Variants in MYO5A observed in about 807,000 individuals in gnomAD.
MYO5A encodes myosin VA.
In MYO5A, 98 loss-of-function variants were observed where a neutral mutation model predicts 249.7. That is an observed-to-expected ratio of 0.39 (90% confidence interval 0.33 to 0.46). The LOEUF (loss-of-function observed/expected upper bound fraction) is 0.46. Among genes scored for constraint, MYO5A ranks in the 20% least tolerant of loss-of-function variants. MYO5A has a pLI of 0.98. For missense variants in MYO5A, 1,696 were observed against 2,308.8 expected, an observed-to-expected ratio of 0.73 and a Z score of 5.44; for synonymous variants, 778 against 810.6, an observed-to-expected ratio of 0.96 and a Z score of 0.68.
At chr15:52,513,533 T>C (rs2077438081) in intron 1 of MYO5A, among the ~76,000 whole-genome samples, 1 of 150,654 alleles carries the variant, frequency 6.6e-6, no homozygotes, top group Admixed American at 6.6e-5. Context: ...CAAGCGATTC[T>C]CCTGACTCAG....
intron 1 of MYO5A, among the ~76,000 whole-genome samples, chr15:52,474,995 C>T (rs1385403200): frequency 2.0e-5 from 3 of 149,338 alleles, no homozygotes; most frequent in African/African-American, 7.5e-5. Context: ...TGGTAGAACT[C>T]GGCTGTGAAT....
intron 1 of MYO5A, among the ~76,000 whole-genome samples, chr15:52,516,005 T>C (rs2077488412): frequency 6.6e-6 from 1 of 152,244 alleles, no homozygotes; most frequent in Non-Finnish European, 1.5e-5. Flanking sequence ...TACCGGTCAC[T>C]ATTCTAAGCA....
At chr15:52,447,286 T>C (rs1002692541) in intron 1 of MYO5A, among the ~76,000 whole-genome samples, 25 of 152,058 alleles carry the variant, frequency 1.6e-4, no homozygotes, top group Admixed American at 6.6e-4. Context: ...TCGCTCTCTC[T>C]CTTGCTTTCT....
chr15:52,516,177 A>T (rs374735579), intron 1 of MYO5A, among the ~76,000 whole-genome samples: 1 of 152,236 alleles, frequency 6.6e-6, no homozygotes, highest in Non-Finnish European at 1.5e-5. Context: ...ACCAAGATCC[A>T]GTATCTAGGT....
At chr15:52,345,192 T>C (rs1429633586) in intron 30 of MYO5A, among the ~76,000 whole-genome samples, 1 of 152,188 alleles carries the variant, frequency 6.6e-6, no homozygotes, top group East Asian at 1.9e-4. Context: ...CTTTAAATCA[T>C]CTCTAGATTA....
At chr15:52,493,393 T>C (rs564361040) in intron 1 of MYO5A, among the ~76,000 whole-genome samples, 6 of 152,342 alleles carry the variant, frequency 3.9e-5, no homozygotes, top group African/African-American at 1.4e-4. Context: ...CTGGGCATGG[T>C]GGCTCACACC....
chr15:52,327,149 T>C (rs2038646725), intron 36 of MYO5A, among the ~76,000 whole-genome samples: 1 of 152,254 alleles, frequency 6.6e-6, no homozygotes, highest in African/African-American at 2.4e-5. Flanking sequence ...CATCTTTTTA[T>C]ATGAATGAGC....
In MYO5A at chr15:52,528,877, G is replaced by T. The variant is rs866652067; in HGVS notation, c.-71C>A. On this transcript the variant is annotated 5_prime_UTR_variant, in exon 1 of 42. Transcript: ENST00000399233. The stretch of plus-strand genomic sequence containing the variant: ...CCTCGCCTGGGCGGCCGCCCGAGCG[G>T]ACTAGGAAGCGCCCGCAGCCGCCGG... 14 of 1,356,194 alleles carry T rather than the reference G, an allele frequency of 1.0e-5. No homozygotes were observed. The highest frequency in any genetic ancestry group is 3.6e-5 in the Admixed American group (1 of 27,444). 84.0% of individuals were successfully genotyped at this position (1,356,194 alleles called of 1,614,324 possible). A position where few individuals can be genotyped will look rare whatever the true frequency, so the allele number is the denominator to read the frequency against.
At chr15:52,416,428 A>G (rs1311978221) in intron 4 of MYO5A, 127 bp from the exon 5 acceptor site, 4 of 903,136 alleles carry the variant, frequency 4.4e-6, no homozygotes, top group South Asian at 1.5e-5. Flanking sequence ...ACTGGTGCTT[A>G]TAACACCAAG....
At chr15:52,465,590 G>A (rs11856588) in intron 1 of MYO5A, among the ~76,000 whole-genome samples, 22,749 of 152,062 alleles carry the variant, frequency 0.15, 1,814 homozygotes, top group Middle Eastern at 0.22. Flanking sequence ...TCAGGAATTC[G>A]AAAGTATAGT....
At chr15:52,466,365 C>G (rs1049634885) in intron 1 of MYO5A, among the ~76,000 whole-genome samples, 2 of 152,148 alleles carry the variant, frequency 1.3e-5, no homozygotes. Flanking sequence ...GGGCTCCCCC[C>G]AACCCCACCC....
chr15:52,311,296 T>C lies in MYO5A; in HGVS notation c.*2400A>G, dbSNP rs1317076622. On this transcript the variant is annotated 3_prime_UTR_variant, in exon 42 of 42. Coordinates refer to ENST00000399233, the MANE Select transcript of MYO5A (RefSeq NM_001382347.1). ...GGGAGGTCTGGGAGATTTCCAGGGC[T>C]GAGGCGGACAGCCTGTACCACGTTG... The C allele has an allele frequency of 3.9e-5, 6 of 152,254 alleles. No homozygotes were observed. Among genetic ancestry groups the C allele is most frequent in the Non-Finnish European group, 7.3e-5 (5 of 68,064 alleles). The allele number at this position is 152,254 out of a possible 1,614,324, so 9.4% of individuals were successfully genotyped here.
chr15:52,504,169 A>G (rs1296993073), intron 1 of MYO5A, among the ~76,000 whole-genome samples: 1 of 151,030 alleles, frequency 6.6e-6, no homozygotes, highest in East Asian at 1.9e-4. Flanking sequence ...AACCATGGTT[A>G]GAAAACTGAT....
intron 25 of MYO5A, among the ~76,000 whole-genome samples, chr15:52,356,823 T>TTTTTTTTTTTTTTTTTTTTTTTTC (rs1555432798): frequency 7.8e-6 from 1 of 127,788 alleles, no homozygotes; most frequent in Non-Finnish European, 1.5e-5. Context: ...TTTTTTATTT[T>TTTTTTTTTTTTTTTTTTTTTTTTC]CAGGAATTGT....
chr15:52,446,400 G>A (rs561254313), intron 1 of MYO5A, among the ~76,000 whole-genome samples: 4 of 152,376 alleles, frequency 2.6e-5, no homozygotes, highest in South Asian at 2.1e-4. Flanking sequence ...AGTGAAGAAC[G>A]TTTGGCAGCC....
chr15:52,464,620 A>T (rs955011723), intron 1 of MYO5A, among the ~76,000 whole-genome samples: 1 of 152,212 alleles, frequency 6.6e-6, no homozygotes, highest in African/African-American at 2.4e-5. Context: ...GGTACTCAAT[A>T]AATATGTGTG....
rs927588082 is a variant in MYO5A at position 52,476,798 on chromosome 15, G to A, written c.28-43513C>T. The stretch of plus-strand genomic sequence containing the variant: ...GATGGGCTTCCCTTTGTGGGTAACC[G>A]GACCTTTCTCTCTGGCTGCCCTTAA... On this transcript the variant is annotated intron_variant, in intron 1 of 41. Coordinates refer to ENST00000399233, the MANE Select transcript of MYO5A (RefSeq NM_001382347.1). Among the ~76,000 whole-genome samples the A allele has an allele frequency of 1.2e-4, 18 of 152,186 alleles. 1 individual carries two copies. Among genetic ancestry groups the A allele is most frequent in the South Asian group, 6.2e-4 (3 of 4,806 alleles).
At chr15:52,359,031 T>C (rs2040388147) in intron 25 of MYO5A, among the ~76,000 whole-genome samples, 2 of 152,220 alleles carry the variant, frequency 1.3e-5, no homozygotes, top group Admixed American at 6.5e-5. Context: ...ATGCTGGATC[T>C]ACCATTTATA....
At chr15:52,498,043 C>A (rs2646031) in intron 1 of MYO5A, among the ~76,000 whole-genome samples, 1 of 152,070 alleles carries the variant, frequency 6.6e-6, no homozygotes, top group Non-Finnish European at 1.5e-5. Context: ...CAAGAAGCTA[C>A]AAAAAGAATA....
Sources: gnomAD v4.1 joint callset for allele counts (sites outside exome capture counted in the v4.1 genomes callset) on GRCh38, gnomAD v4.1.1 for gene constraint, MANE v1.5 for transcripts, NCBI Gene and HGNC (gene_info 2026-07-23, HGNC 2026-07-21) for gene names.